The following STXBP5L variants were observed in gnomAD, a reference collection of about 807,000 sequenced individuals.
The protein encoded by STXBP5L is syntaxin-binding protein 5-like.
STXBP5L carries 65 observed loss-of-function variants against 144.5 expected under a neutral mutation model. The observed-to-expected ratio is 0.45, with a 90% CI of 0.37 to 0.55. The LOEUF (loss-of-function observed/expected upper bound fraction) is 0.55, where lower values mean the gene tolerates loss of function less well. Among genes scored for constraint, STXBP5L ranks in the 20% least tolerant of loss-of-function variants. The pLI, the probability that STXBP5L is intolerant of heterozygous loss-of-function variation, is 0.00. For missense variants in STXBP5L, 1,298 were observed against 1,405.5 expected (o/e 0.92, Z 1.22); for synonymous variants, 505 against 469.6 (o/e 1.08, Z -0.97).
chr3:121,216,822 G>A (rs2048793530), intron 10 of STXBP5L, among the ~76,000 whole-genome samples: 1 of 152,154 alleles, frequency 6.6e-6, no homozygotes, highest in Non-Finnish European at 1.5e-5. Flanking sequence ...AAGGGAGATG[G>A]GAGTTTTATC....
intron 3 of STXBP5L, among the ~76,000 whole-genome samples, chr3:120,955,816 C>T (rs1351017033): frequency 6.6e-6 from 1 of 151,966 alleles, no homozygotes; most frequent in Non-Finnish European, 1.5e-5. Context: ...TCCTTGACCC[C>T]TAACAACCAC....
chr3:121,208,791 A>G (rs2048439845), intron 10 of STXBP5L, among the ~76,000 whole-genome samples: 1 of 151,984 alleles, frequency 6.6e-6, no homozygotes, highest in African/African-American at 2.4e-5. Flanking sequence ...ATTATACTTT[A>G]AGTTTTGGAA....
At chr3:121,262,640 G>GA (rs1018888200) in intron 18 of STXBP5L, among the ~76,000 whole-genome samples, 1 of 152,034 alleles carries the variant, frequency 6.6e-6, no homozygotes, top group Non-Finnish European at 1.5e-5. Context: ...AAAGTCACCT[G>GA]AATCATATAT....
intron 19 of STXBP5L, among the ~76,000 whole-genome samples, chr3:121,302,181 T>C (rs2051942464): frequency 1.3e-5 from 2 of 152,056 alleles, no homozygotes; most frequent in Admixed American, 6.5e-5. Context: ...GGTCCTGGAC[T>C]TTTTTTTGGT....
intron 2 of STXBP5L, among the ~76,000 whole-genome samples, chr3:120,928,009 G>A (rs1709727513): frequency 6.6e-6 from 1 of 152,126 alleles, no homozygotes; most frequent in Admixed American, 6.5e-5. Flanking sequence ...AGGGTGCTAA[G>A]AGCTGAACAT....
rs1940874978 is a variant in STXBP5L at position 120,975,521 on chromosome 3, T to G, written c.287+20484T>G. On this transcript the variant is annotated intron_variant, in intron 3 of 26. Transcript: ENST00000471454. ...CAATTTGACTTCCTCTTTTCCTAAT[T>G]GAATACCCTTTATTTCCTTCTCCTG... is the stretch of plus-strand genomic sequence containing the variant. 1.3e-5 allele frequency among the ~76,000 whole-genome samples: 2 copies of G among 152,208 alleles called. 1 individual carries two copies. The highest frequency in any genetic ancestry group is 4.1e-4 in the South Asian group (2 of 4,832).
At chr3:121,214,104 T>C (rs1280630261) in intron 10 of STXBP5L, among the ~76,000 whole-genome samples, 2 of 152,184 alleles carry the variant, frequency 1.3e-5, no homozygotes. Flanking sequence ...ATTTTTCTTA[T>C]TTATTAGGCT....
intron 20 of STXBP5L, among the ~76,000 whole-genome samples, chr3:121,324,768 T>C (rs1212260581): frequency 6.6e-6 from 1 of 152,112 alleles, no homozygotes; most frequent in African/African-American, 2.4e-5. Flanking sequence ...TCATGAGATA[T>C]GAATTAGGAA....
chr3:120,962,758 A>G (rs930538557), intron 3 of STXBP5L, among the ~76,000 whole-genome samples: 1 of 152,156 alleles, frequency 6.6e-6, no homozygotes, highest in Non-Finnish European at 1.5e-5. Context: ...TTGGCAATGC[A>G]GGCCCTTTTT....
At chr3:121,062,159 G>A (rs371684618) in intron 5 of STXBP5L, among the ~76,000 whole-genome samples, 8 of 152,194 alleles carry the variant, frequency 5.3e-5, no homozygotes, top group African/African-American at 7.2e-5. Context: ...AGGCAAAGCC[G>A]CCAGGAAGCT....
At chr3:121,239,482 G>A (rs1229368650) in intron 13 of STXBP5L, among the ~76,000 whole-genome samples, 1 of 150,540 alleles carries the variant, frequency 6.6e-6, no homozygotes, top group Non-Finnish European at 1.5e-5. Context: ...ATGATAGATT[G>A]GATTAAGAAA....
intron 3 of STXBP5L, among the ~76,000 whole-genome samples, chr3:121,038,171 C>T (rs961502316): frequency 6.6e-6 from 1 of 150,938 alleles, no homozygotes; most frequent in Non-Finnish European, 1.5e-5. Flanking sequence ...TATTGTTCTC[C>T]TTTTTTCTGG....
chr3:121,025,596 A>C (rs1945869361), intron 3 of STXBP5L, among the ~76,000 whole-genome samples: 2 of 151,920 alleles, frequency 1.3e-5, no homozygotes, highest in Non-Finnish European at 2.9e-5. Context: ...CACTTAAGTT[A>C]ATTTTTAACT....
intron 5 of STXBP5L, among the ~76,000 whole-genome samples, chr3:121,105,915 T>G (rs2043680015): frequency 6.6e-6 from 1 of 152,130 alleles, no homozygotes; most frequent in African/African-American, 2.4e-5. Flanking sequence ...AAATTTATAT[T>G]TTATTTTGTT....
intron 3 of STXBP5L, among the ~76,000 whole-genome samples, chr3:121,016,032 C>T (rs1229077456): frequency 6.6e-6 from 1 of 152,172 alleles, no homozygotes; most frequent in African/African-American, 2.4e-5. Flanking sequence ...AGTCCAAAGT[C>T]AAGAACAAAG....
intron 5 of STXBP5L, among the ~76,000 whole-genome samples, chr3:121,056,775 A>G (rs1265960297): frequency 6.6e-6 from 1 of 152,042 alleles, no homozygotes; most frequent in African/African-American, 2.4e-5. Context: ...GACGTTCATT[A>G]CATACATATA....
At chr3:121,023,403 T>C (rs750416518) in intron 3 of STXBP5L, among the ~76,000 whole-genome samples, 1 of 152,016 alleles carries the variant, frequency 6.6e-6, no homozygotes, top group Non-Finnish European at 1.5e-5. Flanking sequence ...ATCATAAAAT[T>C]CATATGGAAC....
chr3:120,987,140 TA>T (rs1942366454), intron 3 of STXBP5L, among the ~76,000 whole-genome samples: 1 of 151,998 alleles, frequency 6.6e-6, no homozygotes, highest in Non-Finnish European at 1.5e-5. Flanking sequence ...AATCAGACTT[TA>T]AAAAGTCAAG....
At chr3:121,012,643 T>C (rs1410715223) in intron 3 of STXBP5L, among the ~76,000 whole-genome samples, 1 of 151,822 alleles carries the variant, frequency 6.6e-6, no homozygotes, top group Non-Finnish European at 1.5e-5. Context: ...GAAATGTCGA[T>C]TTAAATATTT....
Sources: allele counts gnomAD v4.1 joint callset (sites outside exome capture counted in the v4.1 genomes callset), GRCh38; gene constraint gnomAD v4.1.1; transcripts MANE v1.5; gene names NCBI Gene and HGNC (gene_info 2026-07-23, HGNC 2026-07-21).